Variants in RPE observed in about 807,000 individuals in gnomAD.
The protein encoded by RPE is ribulose-5-phosphate-3-epimerase.
In RPE, 16 loss-of-function variants were observed where a neutral mutation model predicts 24.6. The observed-to-expected ratio is 0.65, with a 90% confidence interval of 0.44 to 0.99. The LOEUF is 0.99. RPE is among the 50% of genes least tolerant of loss of function. The pLI is 0.00. For missense variants in RPE, 240 were observed against 294.5 expected (o/e 0.81, Z 1.35); for synonymous variants, 93 against 98.4 (o/e 0.94, Z 0.33).
rs779322434 is a variant in RPE at position 210,017,744 on chromosome 2, T to C, written c.564+185T>C. The C allele has an allele frequency of 2.6e-4, 164 of 622,266 alleles. No homozygotes were observed. The South Asian group carries it at 3.0e-3, about 11-fold the overall frequency. 38.5% of individuals were successfully genotyped at this position (622,266 alleles called of 1,614,324 possible). A position where few individuals can be genotyped will look rare whatever the true frequency, so the allele number is the denominator to read the frequency against. ...CATAAGTGGATATGCTTTTTTTTTTTTTTTTTTTTTTTCTTTTTCTGAGAC... is the reference window on the plus strand; with the variant it reads ...CATAAGTGGATATGCTTTTTTTTTTCTTTTTTTTTTTTCTTTTTCTGAGAC... On this transcript the variant is annotated intron_variant, in intron 5 of 5. Coordinates refer to ENST00000359429, the MANE Select transcript of RPE (RefSeq NM_199229.3).
At chr2:210,010,857 G>A (rs892403322) in intron 2 of RPE, among the ~76,000 whole-genome samples, 3 of 152,100 alleles carry the variant, frequency 2.0e-5, no homozygotes, top group African/African-American at 7.2e-5. Context: ...GGTGGAGATT[G>A]TAGTGAGCTG....
intron 2 of RPE, among the ~76,000 whole-genome samples, chr2:210,011,987 T>A: frequency 6.6e-6 from 1 of 152,196 alleles, no homozygotes; most frequent in East Asian, 1.9e-4. Flanking sequence ...CGACTACCTT[T>A]GTTTTTTATA....
intron 1 of RPE, among the ~76,000 whole-genome samples, chr2:210,008,599 T>C (rs1262773896): frequency 6.6e-6 from 1 of 151,436 alleles, no homozygotes; most frequent in African/African-American, 2.4e-5. Flanking sequence ...GGCCCCGGTT[T>C]TGTTAAAGAT....
Position 210,002,694 on chromosome 2 carries a change from C to G in RPE, c.33C>G (p.Ile11Met). The change falls in exon 1 of 6, where the codon ATC (isoleucine) becomes ATG (methionine). Residue 11 changes from isoleucine (I) to methionine (M), a missense_variant. Transcript: ENST00000359429. ...CGGGCTGCAAGATTGGCCCGTCCAT[C>G]CTCAACAGCGACCTGGCCAATTTAG... MASGCKIGPS[I>M]LNSDLANLGA... 6.2e-7 allele frequency: 1 copy of G among 1,614,186 alleles called. No homozygotes were observed. The highest frequency in any genetic ancestry group is 8.5e-7 in the Non-Finnish European group (1 of 1,180,008).
At chr2:210,019,467 A>G (rs909274676) in intron 5 of RPE, among the ~76,000 whole-genome samples, 3 of 152,190 alleles carry the variant, frequency 2.0e-5, no homozygotes, top group African/African-American at 7.2e-5. Flanking sequence ...GACACATTTA[A>G]AAATAGTCTG....
intron 2 of RPE, among the ~76,000 whole-genome samples, chr2:210,012,782 T>C (rs1221616530): frequency 6.6e-6 from 1 of 152,250 alleles, no homozygotes. Flanking sequence ...CTTGTGTATC[T>C]TACCACTCTG....
At chr2:210,018,583 A>G (rs2093811809) in intron 5 of RPE, 1 of 985,094 alleles carries the variant, frequency 1.0e-6, no homozygotes, top group African/African-American at 1.7e-5. Flanking sequence ...CAAAAGCTTG[A>G]CAGTAGTAAA....
intron 1 of RPE, 88 bp from the exon 2 acceptor site, chr2:210,009,569 C>T: frequency 6.7e-7 from 1 of 1,500,510 alleles, no homozygotes; most frequent in Admixed American, 1.7e-5. Flanking sequence ...TGCAGACAAT[C>T]CCCTCAACCT....
At chr2:210,017,416 C>G (rs2093787624) in intron 4 of RPE, 57 bp from the exon 5 acceptor site, 1 of 997,408 alleles carries the variant, frequency 1.0e-6, no homozygotes, top group Non-Finnish European at 1.5e-6. Flanking sequence ...CCCCCACCCC[C>G]ACCCCCACCA....
At chr2:210,015,020 G>A (rs577435646) in intron 2 of RPE, among the ~76,000 whole-genome samples, 1 of 152,258 alleles carries the variant, frequency 6.6e-6, no homozygotes, top group South Asian at 2.1e-4. Context: ...TCAAGCTTTA[G>A]AATTAGGATG....
In RPE at chr2:210,017,482, T is replaced by A. The variant is rs756097904; in HGVS notation, c.487T>A (p.Leu163Met). Reference protein sequence around the residue: ...MEDMMPKVHWLRTQFPSLDIE... With the variant: ...MEDMMPKVHWMRTQFPSLDIE... ...TCATGTATATATCTAGGTTCACTGG[T>A]TGAGGACCCAGTTCCCATCTTTGGA... Residue 163 changes from leucine (L) to methionine (M), a missense_variant, in exon 5 of 6, where the codon TTG becomes ATG. Transcript: ENST00000359429. 1 of 1,608,980 alleles carries A rather than the reference T, an allele frequency of 6.2e-7. No individual in the cohort carries two copies. Among genetic ancestry groups the A allele is most frequent in the South Asian group, 1.1e-5 (1 of 90,904 alleles).
At chr2:210,003,627 C>T (rs1399121975) in intron 1 of RPE, among the ~76,000 whole-genome samples, 1 of 152,174 alleles carries the variant, frequency 6.6e-6, no homozygotes, top group Non-Finnish European at 1.5e-5. Context: ...CAACTTGGCT[C>T]TTCCTAGGTT....
intron 5 of RPE, chr2:210,018,795 G>A (rs574373488): frequency 4.0e-5 from 27 of 667,738 alleles, no homozygotes; most frequent in East Asian, 1.4e-4. Context: ...CAAGCTTAGC[G>A]TTCCAATAAT....
rs1431819921 is a variant in RPE at position 210,017,491 on chromosome 2, C to A, written c.496C>A (p.Gln166Lys). ...TATCTAGGTTCACTGGTTGAGGACC[C>A]AGTTCCCATCTTTGGATATAGAGGT... ...MMPKVHWLRT[Q>K]FPSLDIEVDG... The change falls in exon 5 of 6, where the codon CAG (glutamine) becomes AAG (lysine). Residue 166 changes from glutamine (Q) to lysine (K), a missense_variant. Transcript: ENST00000359429. 6.2e-7 allele frequency: 1 copy of A among 1,609,836 alleles called. No homozygotes were observed. Among genetic ancestry groups the A allele is most frequent in the East Asian group, 2.2e-5 (1 of 44,612 alleles).
At chr2:210,003,206 C>T (rs1397893139) in intron 1 of RPE, among the ~76,000 whole-genome samples, 6 of 152,164 alleles carry the variant, frequency 3.9e-5, no homozygotes, top group Non-Finnish European at 7.3e-5. Context: ...CGGTTAGGTT[C>T]CCGAGTTCTG....
chr2:210,020,521 C>A lies in RPE; in HGVS notation c.*730C>A, dbSNP rs1328687241. On this transcript the variant is annotated 3_prime_UTR_variant, in exon 6 of 6. Coordinates refer to ENST00000359429, the MANE Select transcript of RPE (RefSeq NM_199229.3). ...TGGGTTGAATTCTGACTGCCCCTTTCTAGCTGGACCTTTAACAAATCACCC... is the reference window on the plus strand; with the variant it reads ...TGGGTTGAATTCTGACTGCCCCTTTATAGCTGGACCTTTAACAAATCACCC... 3.0e-5 allele frequency: 5 copies of A among 166,928 alleles called. No individual in the cohort carries two copies. Among genetic ancestry groups the A allele is most frequent in the Non-Finnish European group, 5.9e-5 (4 of 68,092 alleles). 10.3% of individuals were successfully genotyped at this position (166,928 alleles called of 1,614,324 possible).
At chr2:210,007,367 TTC>T (rs1361764349) in intron 1 of RPE, among the ~76,000 whole-genome samples, 1 of 152,228 alleles carries the variant, frequency 6.6e-6, no homozygotes, top group East Asian at 1.9e-4. Context: ...ATTCTTAGTG[TTC>T]CTTGCCACTT....
chr2:210,018,185 G>A, intron 5 of RPE: 1 of 1,534,648 alleles, frequency 6.5e-7, no homozygotes, highest in Non-Finnish European at 8.7e-7. Context: ...TCACGGCCTT[G>A]GAAGTGAGAA....
intron 1 of RPE, among the ~76,000 whole-genome samples, chr2:210,006,505 T>C (rs967065103): frequency 3.3e-5 from 5 of 152,216 alleles, no homozygotes; most frequent in Admixed American, 1.3e-4. Flanking sequence ...GTCACGTAAC[T>C]TTGGGGTTAG....
Sources: allele counts gnomAD v4.1 joint callset (sites outside exome capture counted in the v4.1 genomes callset), GRCh38; gene constraint gnomAD v4.1.1; transcripts MANE v1.5; gene names NCBI Gene and HGNC (gene_info 2026-07-23, HGNC 2026-07-21).